Variants in ARHGAP24 observed in about 807,000 individuals in gnomAD.
ARHGAP24 encodes the protein rho GTPase-activating protein 24.
ARHGAP24 carries 50 observed loss-of-function variants against 76.4 expected under a neutral mutation model. The observed-to-expected ratio is 0.65, with a 90% CI of 0.52 to 0.83. The LOEUF is 0.83. Ranked by LOEUF, ARHGAP24 falls within the 40% of genes least tolerant of loss-of-function variation. ARHGAP24 has a pLI of 0.00. For missense variants in ARHGAP24, 930 were observed against 914.2 expected (o/e 1.02, Z -0.22); for synonymous variants, 345 against 323.3 (o/e 1.07, Z -0.72).
At chr4:85,549,977 C>G (rs912167394) in intron 1 of ARHGAP24, among the ~76,000 whole-genome samples, 1 of 152,176 alleles carries the variant, frequency 6.6e-6, no homozygotes, top group African/African-American at 2.4e-5. Context: ...TACATATGTA[C>G]CACATTTTCT....
chr4:85,663,622 T>G (rs1722492336), intron 2 of ARHGAP24, among the ~76,000 whole-genome samples: 1 of 149,628 alleles, frequency 6.7e-6, no homozygotes, highest in Admixed American at 6.6e-5. Flanking sequence ...TGCTTCCAGT[T>G]TTTGCCCATT....
intron 2 of ARHGAP24, among the ~76,000 whole-genome samples, chr4:85,580,565 T>C (rs1266374098): frequency 2.0e-5 from 3 of 152,112 alleles, no homozygotes; most frequent in Non-Finnish European, 1.5e-5. Context: ...TGCAGGCCCC[T>C]CCACATGGCC....
chr4:85,864,319 C>G (rs1732068956), intron 3 of ARHGAP24, among the ~76,000 whole-genome samples: 1 of 151,896 alleles, frequency 6.6e-6, no homozygotes, highest in South Asian at 2.1e-4. Context: ...CACTTGGGGG[C>G]TTGGGGGTAC....
chr4:85,498,484 C>T (rs748055186), intron 1 of ARHGAP24, among the ~76,000 whole-genome samples: 6 of 152,192 alleles, frequency 3.9e-5, no homozygotes, highest in Non-Finnish European at 8.8e-5. Flanking sequence ...AAGAGAGTGA[C>T]CTGTGCCCTG....
In ARHGAP24 at chr4:85,977,988, G is replaced by A. The variant is rs79926054; in HGVS notation, c.928+297G>A. On this transcript the variant is annotated intron_variant, in intron 8 of 9. Transcript: ENST00000395184. ...GAACTGAAAAAAACTACCTCACTTC[G>A]TGAGTTCACTACAATTTTCAGAAAA... 1.4e-3 allele frequency among the ~76,000 whole-genome samples: 219 copies of A among 152,216 alleles called. 1 individual carries two copies. The East Asian group carries it at 0.024, about 17-fold the overall frequency.
intron 2 of ARHGAP24, among the ~76,000 whole-genome samples, chr4:85,707,732 T>G (rs1296071000): frequency 6.6e-6 from 1 of 152,128 alleles, no homozygotes; most frequent in Admixed American, 6.6e-5. Flanking sequence ...GTTGGACCAT[T>G]TATTGTCCTA....
intron 3 of ARHGAP24, among the ~76,000 whole-genome samples, chr4:85,736,913 G>A (rs1343156391): frequency 2.0e-5 from 3 of 152,134 alleles, no homozygotes; most frequent in Non-Finnish European, 4.4e-5. Context: ...CATCATATGT[G>A]CCTAACTTGT....
chr4:85,912,704 G>A (rs950949024), intron 3 of ARHGAP24, among the ~76,000 whole-genome samples: 7 of 152,116 alleles, frequency 4.6e-5, no homozygotes, highest in Middle Eastern at 3.4e-3. Context: ...ATTAAATAAC[G>A]TTGCCAATAA....
chr4:85,848,495 A>G (rs947304991), intron 3 of ARHGAP24, among the ~76,000 whole-genome samples: 3 of 152,184 alleles, frequency 2.0e-5, no homozygotes, highest in South Asian at 2.1e-4. Flanking sequence ...TGACCACGTC[A>G]TTACAAAGGA....
At chr4:85,496,949 T>G (rs1455428804) in intron 1 of ARHGAP24, among the ~76,000 whole-genome samples, 1 of 152,174 alleles carries the variant, frequency 6.6e-6, no homozygotes, top group East Asian at 1.9e-4. Flanking sequence ...TGTTTACAAG[T>G]GGACAAGGAA....
chr4:85,475,420 T>G lies in ARHGAP24; in HGVS notation c.-160T>G, dbSNP rs190772018. 1 of 152,780 alleles carries G rather than the reference T, an allele frequency of 6.5e-6. No individual in the cohort carries two copies. The highest frequency in any genetic ancestry group is 1.5e-5 in the Non-Finnish European group (1 of 68,054). The allele number at this position is 152,780 out of a possible 1,614,324, so 9.5% of individuals were successfully genotyped here. A position where few individuals can be genotyped will look rare whatever the true frequency, so the allele number is the denominator to read the frequency against. Reference sequence around the variant, plus strand: ...TGCGGAGCAGCCCAGTGCATAGAGTTCAACACTTCCCCTTGTTGTGGAAAG... The same window carrying G: ...TGCGGAGCAGCCCAGTGCATAGAGTGCAACACTTCCCCTTGTTGTGGAAAG... On this transcript the variant is annotated 5_prime_UTR_variant, in exon 1 of 10. Transcript: ENST00000395184.
chr4:85,852,466 A>G (rs1256541949), intron 3 of ARHGAP24, among the ~76,000 whole-genome samples: 3 of 152,166 alleles, frequency 2.0e-5, no homozygotes, highest in Non-Finnish European at 4.4e-5. Flanking sequence ...CGTCAAAGTC[A>G]TTCTCCATCC....
At chr4:85,528,037 G>T (rs1481926246) in intron 1 of ARHGAP24, among the ~76,000 whole-genome samples, 1 of 152,016 alleles carries the variant, frequency 6.6e-6, no homozygotes. Context: ...AAAATGACAG[G>T]GTGAGTGCTA....
chr4:85,603,814 A>G (rs1430775188), intron 2 of ARHGAP24, among the ~76,000 whole-genome samples: 4 of 152,190 alleles, frequency 2.6e-5, no homozygotes, highest in Non-Finnish European at 5.9e-5. Flanking sequence ...TCAGGTAATT[A>G]GGTTACTGAA....
At chr4:85,816,540 A>G (rs1441012429) in intron 3 of ARHGAP24, among the ~76,000 whole-genome samples, 1 of 152,234 alleles carries the variant, frequency 6.6e-6, no homozygotes, top group Non-Finnish European at 1.5e-5. Flanking sequence ...TCAAGAAAGA[A>G]AACTTTTTTT....
At chr4:85,883,302 T>C (rs1040417283) in intron 3 of ARHGAP24, among the ~76,000 whole-genome samples, 2 of 152,152 alleles carry the variant, frequency 1.3e-5, no homozygotes, top group Non-Finnish European at 2.9e-5. Flanking sequence ...GTTAATAGGT[T>C]TTTGTGGTTT....
rs150519309 is a variant in ARHGAP24, at chr4:85,959,620, G to A, written c.600-12416G>A. 4.5e-4 allele frequency among the ~76,000 whole-genome samples: 68 copies of A among 152,240 alleles called. 1 individual carries two copies. The highest frequency in any genetic ancestry group is 1.5e-3 in the African/African-American group (63 of 41,548). On this transcript the variant is annotated intron_variant, in intron 5 of 9. Transcript: ENST00000395184. ...CATCCGTCAGTTGGTAGACATTGAC[G>A]TTGTTTCTACTTTTTGGCTATTATC... is the stretch of plus-strand genomic sequence containing the variant.
intron 2 of ARHGAP24, among the ~76,000 whole-genome samples, chr4:85,716,002 T>A (rs1724719901): frequency 1.3e-5 from 2 of 152,106 alleles, no homozygotes; most frequent in African/African-American, 4.8e-5. Flanking sequence ...TTCGAACCTC[T>A]GTCTAATCTC....
At chr4:85,722,527 G>A (rs1436766078) in intron 3 of ARHGAP24, 2 of 158,156 alleles carry the variant, frequency 1.3e-5, no homozygotes, top group Non-Finnish European at 2.8e-5. Context: ...GTAGAGCTGA[G>A]GACAGCTCTG....
Sources: allele counts gnomAD v4.1 joint callset (sites outside exome capture counted in the v4.1 genomes callset), GRCh38; gene constraint gnomAD v4.1.1; transcripts MANE v1.5; gene names NCBI Gene and HGNC (gene_info 2026-07-23, HGNC 2026-07-21).